Variants in AGPAT5 observed in about 807,000 individuals in gnomAD.
AGPAT5 encodes the protein 1-acylglycerol-3-phosphate O-acyltransferase 5, also known as 1-acyl-sn-glycerol-3-phosphate acyltransferase epsilon.
In AGPAT5, 46 loss-of-function variants were observed where a neutral mutation model predicts 45.6. The observed-to-expected ratio is 1.01, with a 90% CI of 0.80 to 1.29. The LOEUF is 1.29. AGPAT5 is among the 50% of genes most tolerant of loss of function. The probability of loss-of-function intolerance (pLI) is 0.00; values close to 1 mark genes in which losing one functional copy is unlikely to be tolerated. For missense variants in AGPAT5, 673 were observed against 450.7 expected (o/e 1.49, Z -4.47); for synonymous variants, 272 against 167.0 (o/e 1.63, Z -4.85).
At chr8:6,727,883 C>G (rs74512328) in intron 2 of AGPAT5, among the ~76,000 whole-genome samples, 4,135 of 152,284 alleles carry the variant, frequency 0.027, 185 homozygotes, top group African/African-American at 0.095. Flanking sequence ...ACTTATCTCT[C>G]AGAGCCTTAT....
At chr8:6,729,771 A>T (rs1800802590) in intron 2 of AGPAT5, among the ~76,000 whole-genome samples, 1 of 152,178 alleles carries the variant, frequency 6.6e-6, no homozygotes, top group Non-Finnish European at 1.5e-5. Context: ...GAAGTTTTTT[A>T]TTGCTACTGT....
chr8:6,716,414 T>G (rs961752113), intron 1 of AGPAT5, among the ~76,000 whole-genome samples: 8 of 151,940 alleles, frequency 5.3e-5, no homozygotes, highest in South Asian at 2.1e-4. Flanking sequence ...TACAAACACT[T>G]ACTGGGCATG....
chr8:6,752,831 A>G lies in AGPAT5; in HGVS notation c.746-2220A>G, dbSNP rs1183679952. On this transcript the variant is annotated intron_variant, in intron 6 of 7. Coordinates refer to ENST00000285518, the MANE Select transcript of AGPAT5 (RefSeq NM_018361.5). ...GTACTTTATTAAACCTATAGGAAGT[A>G]TTTATACCACTTATTTCCTCCCTTC... Among the ~76,000 whole-genome samples the G allele has an allele frequency of 2.6e-5, 4 of 152,338 alleles. No homozygotes were observed. The East Asian group carries it at 5.8e-4, about 22-fold the overall frequency.
At chr8:6,710,037 A>G (rs1800098926) in intron 1 of AGPAT5, among the ~76,000 whole-genome samples, 2 of 152,162 alleles carry the variant, frequency 1.3e-5, no homozygotes, top group South Asian at 4.1e-4. Context: ...TAAATGTATG[A>G]TTTTTATCAT....
At chr8:6,752,215 C>G (rs911581303) in intron 6 of AGPAT5, among the ~76,000 whole-genome samples, 1 of 152,096 alleles carries the variant, frequency 6.6e-6, no homozygotes, top group African/African-American at 2.4e-5. Context: ...TACAGATAAC[C>G]CAAAGAAGAA....
At chr8:6,711,071 A>T (rs1303832648) in intron 1 of AGPAT5, among the ~76,000 whole-genome samples, 1 of 152,146 alleles carries the variant, frequency 6.6e-6, no homozygotes, top group Admixed American at 6.5e-5. Flanking sequence ...TATATATATT[A>T]AAGAGGCATT....
rs1800782962 is a variant in AGPAT5 at position 6,729,172 on chromosome 8, T to C, written c.290-1539T>C. 2.6e-5 allele frequency among the ~76,000 whole-genome samples: 4 copies of C among 152,178 alleles called. No homozygotes were observed. In the South Asian group the frequency reaches 8.3e-4, roughly 32 times the overall value. ...GATAAGAGATTTTTCTTGGTTAATT[T>C]TTAGTATTAAAATGGCTAAATCTTT... On this transcript the variant is annotated intron_variant, in intron 2 of 7. Coordinates refer to ENST00000285518, the MANE Select transcript of AGPAT5 (RefSeq NM_018361.5).
At chr8:6,737,127 T>G (rs1181336925) in intron 4 of AGPAT5, among the ~76,000 whole-genome samples, 1 of 152,210 alleles carries the variant, frequency 6.6e-6, no homozygotes, top group African/African-American at 2.4e-5. Flanking sequence ...AATTCCAGCC[T>G]TTTATGTTCC....
At chr8:6,710,009 A>G (rs990565714) in intron 1 of AGPAT5, among the ~76,000 whole-genome samples, 3 of 152,238 alleles carry the variant, frequency 2.0e-5, no homozygotes, top group Non-Finnish European at 4.4e-5. Context: ...TTTATATGGT[A>G]ACTCCACCAA....
At position 6,730,781 on chromosome 8, in the gene AGPAT5, A is replaced by G. The variant is rs748466250; in HGVS notation, c.360A>G (p.Lys120=). 3 of 1,613,510 alleles carry G rather than the reference A, an allele frequency of 1.9e-6. No individual in the cohort carries two copies. The highest frequency in any genetic ancestry group is 2.5e-6 in the Non-Finnish European group (3 of 1,179,664). Residue 120 remains lysine, a synonymous_variant, in exon 3 of 8, where the codon AAA becomes AAG. Transcript: ENST00000285518. The part of the protein sequence containing the change: ...NALGHVRYVL[K]EGLKWLPLYG... ...TAGGACATGTGCGCTACGTGCTGAA[A>G]GAAGGGTTAAAATGGCTGCCATTGT...
At chr8:6,734,641 T>A (rs550208049) in intron 4 of AGPAT5, among the ~76,000 whole-genome samples, 2 of 152,344 alleles carry the variant, frequency 1.3e-5, no homozygotes, top group East Asian at 3.9e-4. Context: ...TTGTGCTTTA[T>A]CTTGCCTTTG....
chr8:6,733,737 T>C (rs542386214), intron 4 of AGPAT5, among the ~76,000 whole-genome samples: 4 of 152,304 alleles, frequency 2.6e-5, no homozygotes, highest in Admixed American at 6.5e-5. Flanking sequence ...AAATCATGAA[T>C]TTATACCTTA....
At chr8:6,709,314 G>C (rs1410068596) in intron 1 of AGPAT5, among the ~76,000 whole-genome samples, 4 of 152,176 alleles carry the variant, frequency 2.6e-5, no homozygotes, top group Non-Finnish European at 5.9e-5. Context: ...AGTACAATTC[G>C]GTCTTGTGTT....
intron 6 of AGPAT5, among the ~76,000 whole-genome samples, chr8:6,751,062 C>T (rs754855921): frequency 2.4e-4 from 37 of 152,012 alleles, no homozygotes; most frequent in Non-Finnish European, 4.7e-4. Flanking sequence ...CTGTCACTGG[C>T]TCAGCCCTGC....
At position 6,732,574 on chromosome 8, in the gene AGPAT5, A is replaced by T. The variant is rs945125513; in HGVS notation, c.419A>T (p.Tyr140Phe). Residue 140 changes from tyrosine to phenylalanine, a missense_variant, in exon 4 of 8, where the codon TAT becomes TTT. Tyr to Phe is a conservative substitution (Grantham distance 22). Transcript: ENST00000285518. ...GCYFAQHGGIYVKRSAKFNEK... is the reference protein window; with the variant it reads ...GCYFAQHGGIFVKRSAKFNEK... ...TGATTGTGGCAGCATGGAGGAATCT[A>T]TGTAAAGCGCAGTGCCAAATTTAAC... is the stretch of plus-strand genomic sequence containing the variant. 6.2e-7 allele frequency: 1 copy of T among 1,607,858 alleles called. No individual in the cohort carries two copies. The highest frequency in any genetic ancestry group is 1.3e-5 in the African/African-American group (1 of 74,516).
chr8:6,714,158 A>T (rs1300817804), intron 1 of AGPAT5, among the ~76,000 whole-genome samples: 2 of 152,174 alleles, frequency 1.3e-5, no homozygotes, highest in Non-Finnish European at 2.9e-5. Flanking sequence ...CCTAACAAGA[A>T]TATGAATCAT....
chr8:6,739,121 G>A (rs931367939), intron 4 of AGPAT5, among the ~76,000 whole-genome samples: 1 of 151,896 alleles, frequency 6.6e-6, no homozygotes, highest in Non-Finnish European at 1.5e-5. Context: ...CTAGATCAAT[G>A]GAGCATTTGT....
intron 1 of AGPAT5, among the ~76,000 whole-genome samples, chr8:6,710,501 T>G (rs1384279932): frequency 2.6e-5 from 4 of 152,244 alleles, no homozygotes; most frequent in African/African-American, 9.6e-5. Flanking sequence ...TTAGGAGTCG[T>G]AGAACGAACT....
intron 1 of AGPAT5, among the ~76,000 whole-genome samples, chr8:6,709,925 C>T (rs1800094363): frequency 6.6e-6 from 1 of 152,180 alleles, no homozygotes; most frequent in Non-Finnish European, 1.5e-5. Context: ...TGTTCCAGGT[C>T]ATGGTTTCCT....
Sources: allele counts gnomAD v4.1 joint callset (sites outside exome capture counted in the v4.1 genomes callset), GRCh38; gene constraint gnomAD v4.1.1; transcripts MANE v1.5; gene names NCBI Gene and HGNC (gene_info 2026-07-23, HGNC 2026-07-21).